LLGL1: variants seen among roughly 807,000 people sequenced by gnomAD.
The protein encoded by LLGL1 is lethal(2) giant larvae protein homolog 1.
In LLGL1, 58 loss-of-function variants were observed where a neutral mutation model predicts 110.6. The ratio of observed to expected loss-of-function variants is 0.52; its 90% CI spans 0.42 to 0.65. LLGL1 has a LOEUF of 0.65. Among genes scored for constraint, LLGL1 ranks in the 30% least tolerant of loss-of-function variants. LLGL1 has a pLI of 0.00. For missense variants in LLGL1, 1,229 were observed against 1,462.1 expected (o/e 0.84, Z 2.60); for synonymous variants, 674 against 607.2 (o/e 1.11, Z -1.62).
intron 15 of LLGL1, 51 bp downstream of exon 15, chr17:18,238,265 C>T (rs1338900460): frequency 5.0e-6 from 8 of 1,603,188 alleles, no homozygotes; most frequent in Non-Finnish European, 5.1e-6. Flanking sequence ...TGTGCCTTGG[C>T]CTGGCTCTGG....
At chr17:18,241,361 G>T in intron 17 of LLGL1, 90 bp from the exon 18 acceptor site, 1 of 1,481,098 alleles carries the variant, frequency 6.8e-7, no homozygotes. Flanking sequence ...GCTTTGTGGT[G>T]GGGGCTGTTG....
chr17:18,235,382 C>T (rs1267573078), intron 10 of LLGL1, 70 bp downstream of exon 10: 1 of 1,605,550 alleles, frequency 6.2e-7, no homozygotes, highest in African/African-American at 1.3e-5. Context: ...AGTTCTAAGC[C>T]CGGAGGTCAG....
At chr17:18,231,189 C>G (rs1454836786) in intron 2 of LLGL1, among the ~76,000 whole-genome samples, 1 of 152,074 alleles carries the variant, frequency 6.6e-6, no homozygotes, top group African/African-American at 2.4e-5. Flanking sequence ...TCCCTTTTTC[C>G]CCTGACTGCC....
rs527795205 is a variant in LLGL1, at chr17:18,237,292, TC to T, written c.1612-187del. The stretch of plus-strand genomic sequence containing the variant: ...TAGTGTGTCTTGGTCACCACTGTGT[TC>T]CTTGTGCTCAGCCAGGGCCTTGGTA... On this transcript the variant is annotated intron_variant, in intron 13 of 22. Coordinates refer to ENST00000316843, the MANE Select transcript of LLGL1 (RefSeq NM_004140.4). 226 of 630,850 alleles carry T rather than the reference TC, an allele frequency of 3.6e-4. 3 individuals are homozygous for T. In the South Asian group the frequency reaches 4.4e-3, roughly 12 times the overall value. 39.1% of individuals were successfully genotyped at this position (630,850 alleles called of 1,614,324 possible).
At chr17:18,241,232 A>G (rs2047824073) in intron 17 of LLGL1, 1 of 628,954 alleles carries the variant, frequency 1.6e-6, no homozygotes, top group African/African-American at 1.8e-5. Flanking sequence ...TAACTCTGTG[A>G]TTGATTTTGT....
chr17:18,235,634 C>T, intron 11 of LLGL1, 97 bp downstream of exon 11: 2 of 1,226,114 alleles, frequency 1.6e-6, no homozygotes, highest in Non-Finnish European at 2.3e-6. Context: ...GAGACTCAGG[C>T]CTGGCCCCTG....
Position 18,235,211 on chromosome 17 carries a change from A to G in LLGL1, c.1183A>G (p.Ile395Val), listed in dbSNP as rs144290841. 581 of 1,611,534 alleles carry G rather than the reference A, an allele frequency of 3.6e-4. 3 individuals are homozygous for G. The highest frequency in any genetic ancestry group is 4.7e-4 in the Non-Finnish European group (560 of 1,180,030). ...CCTGGCCCCGCTGCACTCCTCTGCAATCACTTGCTCGGCCCACGTGGCCAG... is the reference window on the plus strand; with the variant it reads ...CCTGGCCCCGCTGCACTCCTCTGCAGTCACTTGCTCGGCCCACGTGGCCAG... ...PYLAPLHSSA[I>V]TCSAHVASVP... is the part of the protein sequence containing the mutation. Residue 395 changes from isoleucine (I) to valine (V), a missense_variant, in exon 10 of 23, where the codon ATC becomes GTC. Coordinates refer to ENST00000316843, the MANE Select transcript of LLGL1 (RefSeq NM_004140.4).
At position 18,236,664 on chromosome 17, in the gene LLGL1, C is replaced by T. The variant is rs750250326; in HGVS notation, c.1410C>T (p.Leu470=). ...WDASGVALRP[L]YKLSTAGLFQ... ...CCTCGGGTGTGGCGCTGCGGCCGCT[C>T]TATAAGCTGAGCACAGCTGGCCTCT... The change falls in exon 12 of 23, where the codon CTC becomes CTT. Residue 470 remains leucine (L), a synonymous_variant. Coordinates refer to ENST00000316843, the MANE Select transcript of LLGL1 (RefSeq NM_004140.4). 3.1e-6 allele frequency: 5 copies of T among 1,612,962 alleles called. No homozygotes were observed. The highest frequency in any genetic ancestry group is 4.2e-6 in the Non-Finnish European group (5 of 1,179,970).
chr17:18,238,815 C>G (rs527853082), intron 16 of LLGL1, among the ~76,000 whole-genome samples: 1 of 152,010 alleles, frequency 6.6e-6, no homozygotes. Context: ...GTTTGAGACC[C>G]GCCAGGCCAA....
chr17:18,238,279 G>A, intron 15 of LLGL1, 65 bp downstream of exon 15: 1 of 1,597,320 alleles, frequency 6.3e-7, no homozygotes, highest in Non-Finnish European at 8.5e-7. Flanking sequence ...GCTCTGGCCT[G>A]GGACCCCTGG....
At chr17:18,239,355 G>C (rs942832674) in intron 16 of LLGL1, among the ~76,000 whole-genome samples, 2 of 152,146 alleles carry the variant, frequency 1.3e-5, no homozygotes, top group Non-Finnish European at 2.9e-5. Flanking sequence ...TGGATTTGTT[G>C]ATTGAGTCAC....
At chr17:18,237,889 A>G in intron 14 of LLGL1, 116 bp downstream of exon 14, 1 of 1,327,288 alleles carries the variant, frequency 7.5e-7, no homozygotes, top group South Asian at 1.4e-5. Context: ...ATTGCCCTAT[A>G]AGAAATAACC....
chr17:18,234,191 C>T lies in LLGL1; in HGVS notation c.714+16C>T. 1 of 1,600,912 alleles carries T rather than the reference C, an allele frequency of 6.2e-7. No individual in the cohort carries two copies. The highest frequency in any genetic ancestry group is 8.5e-7 in the Non-Finnish European group (1 of 1,171,880). ...GGGGAACCAGGTATGTAGGTGAGGC[C>T]TGTGTCCCCTCAGCCTGGGCCCCTT... On this transcript the variant is annotated intron_variant, in intron 6 of 22. Transcript: ENST00000316843.
intron 4 of LLGL1, 44 bp downstream of exon 4, chr17:18,232,846 T>G: frequency 6.2e-7 from 1 of 1,611,310 alleles, no homozygotes; most frequent in African/African-American, 1.3e-5. Context: ...GCAGGGAGGA[T>G]CTGGGGGAGG....
Position 18,241,459 on chromosome 17 carries a change from A to G in LLGL1, c.2511A>G (p.Thr837=), listed in dbSNP as rs1397962127. ...CAGCCACCTGCTGTCAGGTGTTCAC[A>G]CTGCCCAAGGTGAGCGCGAAGACCA... The part of the protein sequence containing the change: ...IASEEQFKVF[T]LPKVSAKTKF... Residue 837 remains threonine (T), a synonymous_variant, in exon 18 of 23, where the codon ACA becomes ACG. Transcript: ENST00000316843. 6 of 1,612,250 alleles carry G rather than the reference A, an allele frequency of 3.7e-6. No homozygotes were observed. The highest frequency in any genetic ancestry group is 5.1e-6 in the Non-Finnish European group (6 of 1,179,330).
chr17:18,236,321 C>G, intron 11 of LLGL1: 1 of 439,058 alleles, frequency 2.3e-6, no homozygotes, highest in South Asian at 2.8e-5. Flanking sequence ...CCTCTGTTCT[C>G]TACATGTCCC....
rs759247101 is a variant in LLGL1 at position 18,241,722 on chromosome 17, C to G, written c.2767+7C>G. 2 of 1,611,342 alleles carry G rather than the reference C, an allele frequency of 1.2e-6. No individual in the cohort carries two copies. The highest frequency in any genetic ancestry group is 1.1e-5 in the South Asian group (1 of 91,014). ...TTTACGCGCCATGGCCAGGGTGAGG[C>G]GGGGCAGAGGCCGAGGAGGCCTTCC... On this transcript the variant is annotated splice_region_variant and intron_variant, in intron 18 of 22. Transcript: ENST00000316843.
chr17:18,234,118 G>A lies in LLGL1; in HGVS notation c.657G>A (p.Leu219=), dbSNP rs1456507820. The change falls in exon 6 of 23, where the codon CTG becomes CTA. Residue 219 remains leucine, a synonymous_variant. Coordinates refer to ENST00000316843, the MANE Select transcript of LLGL1 (RefSeq NM_004140.4). The part of the protein sequence containing the change: ...TKILIGYSRG[L]LVIWNQASQC... Reference sequence around the variant, plus strand: ...TTCTCATTGGCTACAGCCGGGGCCTGCTGGTCATCTGGAACCAGGCCTCGC... The same window carrying A: ...TTCTCATTGGCTACAGCCGGGGCCTACTGGTCATCTGGAACCAGGCCTCGC... The A allele has an allele frequency of 5.0e-6, 8 of 1,612,004 alleles. No homozygotes were observed. The Admixed American group carries it at 1.2e-4, about 24-fold the overall frequency.
At chr17:18,239,918 G>A (rs73288302) in intron 16 of LLGL1, among the ~76,000 whole-genome samples, 5,222 of 152,086 alleles carry the variant, frequency 0.034, 256 homozygotes, top group African/African-American at 0.11. Context: ...AGGATCCATC[G>A]GGTCATCAGG....
Sources: gnomAD v4.1 joint callset for allele counts (sites outside exome capture counted in the v4.1 genomes callset) on GRCh38, gnomAD v4.1.1 for gene constraint, MANE v1.5 for transcripts, NCBI Gene and HGNC (gene_info 2026-07-23, HGNC 2026-07-21) for gene names.